BACE2: variants seen among roughly 807,000 people sequenced by gnomAD.
BACE2 encodes the protein 56 kDa aspartic-like protease.
BACE2 carries 17 observed loss-of-function variants against 46.2 expected under a neutral mutation model. The ratio of observed to expected loss-of-function variants is 0.37; its 90% CI spans 0.25 to 0.55. The LOEUF is 0.55. Among genes scored for constraint, BACE2 ranks in the 20% least tolerant of loss-of-function variants. The probability of loss-of-function intolerance (pLI) is 0.82; values close to 1 mark genes in which losing one functional copy is unlikely to be tolerated. For missense variants in BACE2, 595 were observed against 698.1 expected, an observed-to-expected ratio of 0.85 and a Z score of 1.66; for synonymous variants, 277 against 295.9, an observed-to-expected ratio of 0.94 and a Z score of 0.66.
intron 1 of BACE2, among the ~76,000 whole-genome samples, chr21:41,204,099 C>T (rs1601262958): frequency 6.6e-6 from 1 of 152,216 alleles, no homozygotes; most frequent in African/African-American, 2.4e-5. Flanking sequence ...TCACTGTAGC[C>T]TCCGCCTCCC....
chr21:41,272,026 G>A (rs1447593302), intron 8 of BACE2, among the ~76,000 whole-genome samples: 1 of 151,660 alleles, frequency 6.6e-6, no homozygotes, highest in African/African-American at 2.4e-5. Flanking sequence ...CTCTCAGCTT[G>A]TGTATGACTG....
chr21:41,259,565 ATTTTC>A (rs1219336650), intron 8 of BACE2, among the ~76,000 whole-genome samples: 13 of 151,428 alleles, frequency 8.6e-5, no homozygotes, highest in African/African-American at 2.7e-4. Flanking sequence ...ATTTTGTCAT[ATTTTC>A]TTTAAAAATT....
intron 1 of BACE2, among the ~76,000 whole-genome samples, chr21:41,174,643 G>A (rs1984741041): frequency 6.6e-6 from 1 of 152,150 alleles, no homozygotes; most frequent in African/African-American, 2.4e-5. Context: ...GAAGAGGTGG[G>A]GGGTTAGTGG....
intron 1 of BACE2, among the ~76,000 whole-genome samples, chr21:41,194,146 A>G (rs1364038385): frequency 2.0e-5 from 3 of 152,074 alleles, no homozygotes; most frequent in East Asian, 1.9e-4. Flanking sequence ...TTGACCTAGA[A>G]GTTTTCTGCT....
At chr21:41,269,107 A>C (rs2088408504) in intron 8 of BACE2, among the ~76,000 whole-genome samples, 1 of 152,076 alleles carries the variant, frequency 6.6e-6, no homozygotes, top group Non-Finnish European at 1.5e-5. Context: ...GGCGTGTGCC[A>C]CCACGCCTGG....
At chr21:41,250,611 C>T in intron 6 of BACE2, 141 bp from the exon 7 acceptor site, 2 of 718,104 alleles carry the variant, frequency 2.8e-6, no homozygotes, top group Non-Finnish European at 4.7e-6. Context: ...TTCCAGGGGA[C>T]TAATGTCCCT....
chr21:41,243,179 TG>T (rs529645654), intron 4 of BACE2, among the ~76,000 whole-genome samples, 196 bp from the exon 5 acceptor site: 1 of 152,242 alleles, frequency 6.6e-6, no homozygotes, highest in Admixed American at 6.5e-5. Flanking sequence ...CCCAAAGTGC[TG>T]GGATTACAAG....
Position 41,277,660 on chromosome 21 carries a change from C to G in BACE2, c.*2036C>G, listed in dbSNP as rs1038411912. 9 of 152,192 alleles carry G rather than the reference C, an allele frequency of 5.9e-5. No homozygotes were observed. The highest frequency in any genetic ancestry group is 2.2e-4 in the African/African-American group (9 of 41,444). 9.4% of individuals were successfully genotyped at this position (152,192 alleles called of 1,614,324 possible). A position where few individuals can be genotyped will look rare whatever the true frequency, so the allele number is the denominator to read the frequency against. ...AGACATGCCCTGATTAGTTTTCCTG[C>G]TTATTTCTTCATACAGGCATCTTCT... is the stretch of plus-strand genomic sequence containing the variant. On this transcript the variant is annotated 3_prime_UTR_variant, in exon 9 of 9. Coordinates refer to ENST00000330333, the MANE Select transcript of BACE2 (RefSeq NM_012105.5).
intron 6 of BACE2, among the ~76,000 whole-genome samples, chr21:41,247,872 T>C (rs1375643667): frequency 6.6e-6 from 1 of 152,238 alleles, no homozygotes; most frequent in Non-Finnish European, 1.5e-5. Context: ...TGTGTCTGGC[T>C]TACCGTCTCT....
At chr21:41,169,973 T>A (rs1284651179) in intron 1 of BACE2, among the ~76,000 whole-genome samples, 1 of 152,190 alleles carries the variant, frequency 6.6e-6, no homozygotes, top group Non-Finnish European at 1.5e-5. Context: ...CTGAGAACCT[T>A]GGAAATATGA....
chr21:41,216,274 T>C (rs1212722846), intron 1 of BACE2, among the ~76,000 whole-genome samples: 3 of 152,228 alleles, frequency 2.0e-5, no homozygotes, highest in Admixed American at 6.5e-5. Context: ...GAGCGTTTAC[T>C]GTGCCCTGGA....
At chr21:41,240,646 G>A (rs1051244971) in intron 3 of BACE2, among the ~76,000 whole-genome samples, 10 of 152,284 alleles carry the variant, frequency 6.6e-5, no homozygotes, top group African/African-American at 2.2e-4. Flanking sequence ...CCAGCTGGGG[G>A]CACCCCCAGG....
At chr21:41,224,235 G>C (rs1464821736) in intron 1 of BACE2, among the ~76,000 whole-genome samples, 1 of 62,306 alleles carries the variant, frequency 1.6e-5, no homozygotes, top group African/African-American at 1.3e-4. Flanking sequence ...TTTTTTTTGA[G>C]ATGGAGTATC....
Position 41,213,245 on chromosome 21 carries a change from G to A in BACE2, c.313-13021G>A, listed in dbSNP as rs906291442. Among the ~76,000 whole-genome samples the A allele has an allele frequency of 6.6e-5, 10 of 152,136 alleles. 1 individual carries two copies. In the South Asian group the frequency reaches 1.0e-3, roughly 16 times the overall value. Reference sequence around the variant, plus strand: ...AACATTAGAGGACAATAAAAGACACGAGACAACCCTAGACACCAAAAATCA... The same window carrying A: ...AACATTAGAGGACAATAAAAGACACAAGACAACCCTAGACACCAAAAATCA... On this transcript the variant is annotated intron_variant, in intron 1 of 8. Coordinates refer to ENST00000330333, the MANE Select transcript of BACE2 (RefSeq NM_012105.5).
intron 1 of BACE2, among the ~76,000 whole-genome samples, chr21:41,202,766 C>T (rs1218086815): frequency 1.3e-5 from 2 of 152,266 alleles, no homozygotes; most frequent in East Asian, 1.9e-4. Flanking sequence ...CGGGACCAAT[C>T]GGTGCTCCCC....
At chr21:41,255,629 A>T (rs1987763263) in intron 7 of BACE2, among the ~76,000 whole-genome samples, 2 of 152,208 alleles carry the variant, frequency 1.3e-5, no homozygotes, top group Admixed American at 1.3e-4. Flanking sequence ...ACTGTGTGTC[A>T]TTCACCGTTG....
At chr21:41,176,764 C>T (rs1298788124) in intron 1 of BACE2, 4 of 152,096 alleles carry the variant, frequency 2.6e-5, no homozygotes, top group African/African-American at 7.2e-5. Context: ...TGGTGCTGAA[C>T]GTGTGTTTTT....
intron 1 of BACE2, among the ~76,000 whole-genome samples, chr21:41,206,280 C>T (rs889208259): frequency 2.0e-5 from 3 of 152,118 alleles, no homozygotes; most frequent in African/African-American, 7.2e-5. Flanking sequence ...GGTGAGAGCT[C>T]CTCCGTCCTT....
At chr21:41,227,601 G>A (rs1289224323) in intron 2 of BACE2, among the ~76,000 whole-genome samples, 1 of 152,228 alleles carries the variant, frequency 6.6e-6, no homozygotes, top group Non-Finnish European at 1.5e-5. Context: ...ATGGCTGCAG[G>A]TGCTTGCTGG....
Sources: allele counts gnomAD v4.1 joint callset (sites outside exome capture counted in the v4.1 genomes callset), GRCh38; gene constraint gnomAD v4.1.1; transcripts MANE v1.5; gene names NCBI Gene and HGNC (gene_info 2026-07-23, HGNC 2026-07-21).